MRTFB: variants seen among roughly 807,000 people sequenced by gnomAD.
MRTFB encodes the protein myocardin-related transcription factor B.
MRTFB carries 29 observed loss-of-function variants against 104.2 expected under a neutral mutation model. That is an observed-to-expected ratio of 0.28 (90% CI 0.21 to 0.38). The LOEUF is 0.38. Ranked by LOEUF, MRTFB falls within the 10% of genes least tolerant of loss-of-function variation. MRTFB has a pLI of 1.00. For synonymous variants in MRTFB, 535 were observed against 519.5 expected (o/e 1.03, Z -0.41); for missense variants, 1,270 against 1,341.6 (o/e 0.95, Z 0.83).
chr16:14,167,839 C>T (rs537341335), intron 3 of MRTFB, among the ~76,000 whole-genome samples: 6 of 152,138 alleles, frequency 3.9e-5, no homozygotes, highest in East Asian at 1.9e-4. Context: ...TACAAGCGCC[C>T]GCCGCGCCCG....
intron 2 of MRTFB, among the ~76,000 whole-genome samples, chr16:14,081,585 C>G (rs2034407769): frequency 6.6e-6 from 1 of 151,866 alleles, no homozygotes; most frequent in Non-Finnish European, 1.5e-5. Flanking sequence ...AGCCACTGCA[C>G]CCGGCCATTT....
At chr16:14,227,347 C>G (rs952536895) in intron 8 of MRTFB, among the ~76,000 whole-genome samples, 2 of 152,282 alleles carry the variant, frequency 1.3e-5, no homozygotes, top group Non-Finnish European at 2.9e-5. Flanking sequence ...CTTGCTTCCT[C>G]TTTTCCCCTG....
intron 2 of MRTFB, among the ~76,000 whole-genome samples, chr16:14,086,122 T>C (rs925579234): frequency 3.3e-5 from 5 of 152,222 alleles, no homozygotes; most frequent in Non-Finnish European, 7.3e-5. Flanking sequence ...TAAGTGTGGC[T>C]CCGCATTTCA....
At chr16:14,114,054 G>C (rs956772519) in intron 2 of MRTFB, among the ~76,000 whole-genome samples, 9 of 152,120 alleles carry the variant, frequency 5.9e-5, no homozygotes, top group African/African-American at 2.2e-4. Flanking sequence ...TGGATCTTTA[G>C]GGTCAAGTAC....
intron 9 of MRTFB, 67 bp downstream of exon 9, chr16:14,234,350 T>G: frequency 6.6e-7 from 1 of 1,521,630 alleles, no homozygotes; most frequent in Non-Finnish European, 8.9e-7. Flanking sequence ...ACCCTGTGAA[T>G]GGAAGACAAA....
chr16:14,008,520 C>T, the MRTFB span, among the ~76,000 whole-genome samples: 2 of 152,224 alleles, frequency 1.3e-5, no homozygotes, highest in South Asian at 4.1e-4. Context: ...TATTTCTGGA[C>T]TGTCAAGCCT....
chr16:14,217,962 G>T (rs986209024), intron 7 of MRTFB, among the ~76,000 whole-genome samples: 3 of 152,200 alleles, frequency 2.0e-5, no homozygotes, highest in Non-Finnish European at 4.4e-5. Flanking sequence ...AAAAAATCAG[G>T]TGAGATGTCA....
At chr16:14,087,691 T>A (rs1347493718) in intron 2 of MRTFB, among the ~76,000 whole-genome samples, 1 of 152,224 alleles carries the variant, frequency 6.6e-6, no homozygotes, top group Admixed American at 6.5e-5. Context: ...AGTTCTTCAG[T>A]CTGATTGTTC....
At chr16:14,061,036 C>T in the MRTFB span, among the ~76,000 whole-genome samples, 1 of 152,044 alleles carries the variant, frequency 6.6e-6, no homozygotes, top group South Asian at 2.1e-4. Context: ...GTCCCAGCTA[C>T]TCAGGAGGCT....
At chr16:14,248,867 C>T in intron 12 of MRTFB, 59 bp from the exon 13 acceptor site, 2 of 1,581,554 alleles carry the variant, frequency 1.3e-6, no homozygotes, top group Non-Finnish European at 1.7e-6. Flanking sequence ...CACCTAAGTT[C>T]TGATTTCTAA....
At chr16:14,021,270 C>T in the MRTFB span, among the ~76,000 whole-genome samples, 20 of 152,150 alleles carry the variant, frequency 1.3e-4, no homozygotes, top group Admixed American at 7.9e-4. Context: ...TTCAGTTCTT[C>T]GTGGTTGTAG....
chr16:14,130,602 G>A (rs1006789214), intron 2 of MRTFB, among the ~76,000 whole-genome samples: 2 of 152,164 alleles, frequency 1.3e-5, no homozygotes, highest in Non-Finnish European at 2.9e-5. Flanking sequence ...TACTGTGTAC[G>A]TGAAAATTCA....
chr16:14,248,670 T>G (rs1195266852), intron 12 of MRTFB: 1 of 364,032 alleles, frequency 2.7e-6, no homozygotes, highest in Non-Finnish European at 5.0e-6. Flanking sequence ...CCATTTCCAT[T>G]TTCTCAAAAT....
chr16:14,198,637 T>G (rs777783753), intron 3 of MRTFB, among the ~76,000 whole-genome samples: 32 of 152,352 alleles, frequency 2.1e-4, no homozygotes, highest in Non-Finnish European at 3.4e-4. Context: ...CCAAACCTCC[T>G]TCACTGGCCT....
At chr16:14,188,660 C>G (rs925574879) in intron 3 of MRTFB, among the ~76,000 whole-genome samples, 11 of 152,092 alleles carry the variant, frequency 7.2e-5, no homozygotes, top group Admixed American at 7.2e-4. Flanking sequence ...AGTTCAAATC[C>G]TACATGCACC....
intron 3 of MRTFB, among the ~76,000 whole-genome samples, chr16:14,169,615 A>T (rs2039358502): frequency 6.6e-6 from 1 of 152,200 alleles, no homozygotes; most frequent in African/African-American, 2.4e-5. Flanking sequence ...TTTAGTTTTA[A>T]ATAAGTCTAA....
At chr16:14,193,538 G>A (rs1018630883) in intron 3 of MRTFB, 1 of 152,140 alleles carries the variant, frequency 6.6e-6, no homozygotes, top group Non-Finnish European at 1.5e-5. Flanking sequence ...GATCCTTTTA[G>A]TCTTTGTATG....
upstream of MRTFB, among the ~76,000 whole-genome samples, chr16:14,069,721 A>G (rs1016100590): frequency 6.6e-6 from 1 of 152,072 alleles, no homozygotes; most frequent in African/African-American, 2.4e-5. Context: ...GGCTCAAGTG[A>G]TCCTCCTGAC....
the MRTFB span, among the ~76,000 whole-genome samples, chr16:14,028,380 A>G: frequency 2.0e-5 from 3 of 152,142 alleles, no homozygotes; most frequent in Non-Finnish European, 2.9e-5. Flanking sequence ...GGGCAGGTGC[A>G]GAAAGGCTCG....
Sources: allele counts gnomAD v4.1 joint callset (sites outside exome capture counted in the v4.1 genomes callset), GRCh38; gene constraint gnomAD v4.1.1; transcripts MANE v1.5; gene names NCBI Gene and HGNC (gene_info 2026-07-23, HGNC 2026-07-21).